THTPA: variants seen among roughly 807,000 people sequenced by gnomAD.
The protein encoded by THTPA is thiamine triphosphatase.
In THTPA, 16 loss-of-function variants were observed where a neutral mutation model predicts 16.5. The ratio of observed to expected loss-of-function variants is 0.97; its 90% CI spans 0.66 to 1.47. The LOEUF (loss-of-function observed/expected upper bound fraction) is 1.47. Among genes scored for constraint, THTPA ranks in the 40% most tolerant of loss-of-function variants. The pLI is 0.00. For missense variants in THTPA, 281 were observed against 280.9 expected, an observed-to-expected ratio of 1.00 and a Z score of 0.00; for synonymous variants, 110 against 115.5, an observed-to-expected ratio of 0.95 and a Z score of 0.30.
At chr14:23,531,535 G>A in the THTPA span, 1 of 1,514,432 alleles carries the variant, frequency 6.6e-7, no homozygotes, top group South Asian at 1.2e-5. Context: ...AGAGCTGCGA[G>A]TCCTTCCTCA....
the THTPA span, among the ~76,000 whole-genome samples, chr14:23,545,105 G>A: frequency 2.0e-5 from 3 of 147,046 alleles, no homozygotes; most frequent in Admixed American, 2.0e-4. Context: ...CCTCTCCCCC[G>A]CCCTTCACGG....
the THTPA span, among the ~76,000 whole-genome samples, chr14:23,514,740 CATG>C: frequency 6.6e-6 from 1 of 152,160 alleles, no homozygotes; most frequent in East Asian, 1.9e-4. Flanking sequence ...CAAACATGCT[CATG>C]ATGCCACTTG....
the THTPA span, chr14:23,525,568 C>T: frequency 6.5e-7 from 1 of 1,535,514 alleles, no homozygotes; most frequent in Non-Finnish European, 8.7e-7. This position sits in a 1 kb window ranked among gnomAD's most constrained non-coding sequence, Gnocchi z 5.9. Flanking sequence ...CAGCTTGCTT[C>T]CCTTCATTGT....
the THTPA span, chr14:23,524,003 A>G: frequency 6.9e-5 from 105 of 1,522,116 alleles, no homozygotes; most frequent in African/African-American, 1.2e-3. This position sits in a 1 kb window ranked among gnomAD's most constrained non-coding sequence, Gnocchi z 5.6. Context: ...AGGTGGTAGG[A>G]AAGGCTGGGG....
chr14:23,556,495 G>C lies in THTPA; in HGVS notation c.-263G>C. ...CGGCCTGCTTTCTAGGGGTCTCTTT[G>C]GATTGAGGACATCAGCAGCAGTGGA... On this transcript the variant is annotated 5_prime_UTR_variant, in exon 1 of 2. Coordinates refer to ENST00000288014, the MANE Select transcript of THTPA (RefSeq NM_024328.6). 2.0e-6 allele frequency: 1 copy of C among 508,436 alleles called. No homozygotes were observed. Among genetic ancestry groups the C allele is most frequent in the Non-Finnish European group, 3.5e-6 (1 of 285,636 alleles). The allele number at this position is 508,436 out of a possible 1,614,324, so 31.5% of individuals were successfully genotyped here. A position where few individuals can be genotyped will look rare whatever the true frequency, so the allele number is the denominator to read the frequency against.
chr14:23,511,902 TA>T, the THTPA span: 2 of 152,112 alleles, frequency 1.3e-5, no homozygotes, highest in African/African-American at 2.4e-5. Flanking sequence ...TGCAGTTTTA[TA>T]CCCCATTTTC....
the THTPA span, among the ~76,000 whole-genome samples, chr14:23,540,427 T>G: frequency 6.6e-6 from 1 of 152,212 alleles, no homozygotes; most frequent in Admixed American, 6.5e-5. Flanking sequence ...ATACTCACTG[T>G]CCTCGCCTTC....
At chr14:23,554,038 C>CA (rs61363455), upstream of THTPA, among the ~76,000 whole-genome samples, 1,039 of 36,020 alleles carry the variant, frequency 0.029, 159 homozygotes, top group Non-Finnish European at 0.04. Context: ...GACTCTGTCT[C>CA]AAAAAAAAAA....
chr14:23,525,729 G>C, the THTPA span: 5 of 1,515,366 alleles, frequency 3.3e-6, no homozygotes, highest in Non-Finnish European at 4.4e-6. This position sits in a 1 kb window ranked among gnomAD's most constrained non-coding sequence, Gnocchi z 5.9. Flanking sequence ...CGCTCAGCCA[G>C]CTCAGCCTTG....
At chr14:23,535,173 C>T in the THTPA span, 6 of 1,534,814 alleles carry the variant, frequency 3.9e-6, no homozygotes, top group Admixed American at 2.0e-5. This position sits in a 1 kb window ranked among gnomAD's most constrained non-coding sequence, Gnocchi z 4.5. Flanking sequence ...CTGAGGACCT[C>T]ATGTTCTCAG....
the THTPA span, chr14:23,532,698 C>T: frequency 6.5e-7 from 1 of 1,531,534 alleles, no homozygotes; most frequent in Non-Finnish European, 8.7e-7. Context: ...TAAGGAGCCC[C>T]ATCTCCCAGG....
chr14:23,534,541 T>A, the THTPA span: 2 of 1,536,144 alleles, frequency 1.3e-6, no homozygotes, highest in Non-Finnish European at 1.7e-6. The surrounding 1 kb of genome is among the most constrained non-coding windows in gnomAD (Gnocchi z 4.5). Flanking sequence ...AGGGGTTAGC[T>A]TCACCCCATG....
the THTPA span, chr14:23,530,058 T>G: frequency 7.0e-7 from 1 of 1,423,662 alleles, no homozygotes; most frequent in Non-Finnish European, 9.6e-7. Flanking sequence ...CCTGGATTAC[T>G]GCAAGGTCCC....
intron 1 of THTPA, among the ~76,000 whole-genome samples, chr14:23,557,905 G>A (rs1392316307): frequency 1.3e-5 from 2 of 152,204 alleles, no homozygotes; most frequent in Non-Finnish European, 1.5e-5. Context: ...AACCAGTCTT[G>A]TCCTTTTGTT....
chr14:23,532,433 C>T, the THTPA span: 1 of 1,115,962 alleles, frequency 9.0e-7, no homozygotes, highest in Admixed American at 3.5e-5. Flanking sequence ...GTACATATGT[C>T]ATTACCTGGT....
At chr14:23,525,296 C>T in the THTPA span, 19 of 1,536,038 alleles carry the variant, frequency 1.2e-5, no homozygotes, top group Non-Finnish European at 1.6e-5. The surrounding 1 kb of genome is among the most constrained non-coding windows in gnomAD (Gnocchi z 5.9). Context: ...GAAGGGTGGG[C>T]CCAGATGGGG....
chr14:23,522,189 G>A, the THTPA span: 1 of 1,490,434 alleles, frequency 6.7e-7, no homozygotes, highest in Non-Finnish European at 8.9e-7. Context: ...TCACATGCCA[G>A]GCAGTGGTAG....
At chr14:23,516,022 G>A in the THTPA span, among the ~76,000 whole-genome samples, 1 of 152,116 alleles carries the variant, frequency 6.6e-6, no homozygotes, top group African/African-American at 2.4e-5. Context: ...ATAAGCCCTG[G>A]TGTGGTAGCC....
chr14:23,524,836 C>A, the THTPA span: 1 of 1,537,026 alleles, frequency 6.5e-7, no homozygotes. This position sits in a 1 kb window ranked among gnomAD's most constrained non-coding sequence, Gnocchi z 5.6. Context: ...CTGCCTCTTC[C>A]TCCTCCTCTT....
Sources: allele counts gnomAD v4.1 joint callset (sites outside exome capture counted in the v4.1 genomes callset), GRCh38; gene constraint gnomAD v4.1.1; non-coding constraint Gnocchi (gnomAD v3.1); transcripts MANE v1.5; gene names NCBI Gene and HGNC (gene_info 2026-07-23, HGNC 2026-07-21).